Variants in ASNS observed in about 807,000 individuals in gnomAD.
ASNS encodes asparagine synthetase [glutamine-hydrolyzing].
ASNS carries 37 observed loss-of-function variants against 62.6 expected under a neutral mutation model. The ratio of observed to expected loss-of-function variants is 0.59; its 90% CI spans 0.45 to 0.78. The LOEUF is 0.78. Among genes scored for constraint, ASNS ranks in the 30% least tolerant of loss-of-function variants. ASNS has a pLI of 0.00. For synonymous variants in ASNS, 207 were observed against 237.9 expected, an observed-to-expected ratio of 0.87 and a Z score of 1.19; for missense variants, 520 against 682.4, an observed-to-expected ratio of 0.76 and a Z score of 2.65.
chr7:97,861,509 C>T (rs1291431174), intron 4 of ASNS, among the ~76,000 whole-genome samples: 1 of 152,154 alleles, frequency 6.6e-6, no homozygotes, highest in African/African-American at 2.4e-5. Flanking sequence ...TCAATTCTAT[C>T]CCACTAGTCT....
At chr7:97,919,429 C>T in the ASNS span, among the ~76,000 whole-genome samples, 1 of 152,204 alleles carries the variant, frequency 6.6e-6, no homozygotes, top group Non-Finnish European at 1.5e-5. Context: ...TTCTCAGACC[C>T]TCTCATCTGG....
chr7:97,856,918 T>G (rs1411149589), intron 7 of ASNS, 102 bp from the exon 8 acceptor site: 4 of 1,247,452 alleles, frequency 3.2e-6, no homozygotes, highest in Non-Finnish European at 4.5e-6. Flanking sequence ...TTAACAATGG[T>G]GAAAACTAAA....
chr7:97,884,102 A>G, the ASNS span, among the ~76,000 whole-genome samples: 2,055 of 152,136 alleles, frequency 0.014, 22 homozygotes, highest in Middle Eastern at 0.034. Context: ...GACACAGAGT[A>G]GTTAGGTGGA....
At chr7:97,910,089 T>A in the ASNS span, among the ~76,000 whole-genome samples, 2 of 151,926 alleles carry the variant, frequency 1.3e-5, no homozygotes, top group Non-Finnish European at 2.9e-5. Context: ...CAACTTGAAG[T>A]TTCAGCAGAA....
chr7:97,889,927 C>CAAAAAAAAAAAAAAAAAAAAAAAAACA, the ASNS span, among the ~76,000 whole-genome samples: 1 of 38,558 alleles, frequency 2.6e-5, no homozygotes, highest in Non-Finnish European at 4.3e-5. Flanking sequence ...ATAATGAATA[C>CAAAAAAAAAAAAAAAAAAAAAAAAACA]AAAAAAAAAA....
chr7:97,880,765 A>C, the ASNS span, among the ~76,000 whole-genome samples: 7 of 152,350 alleles, frequency 4.6e-5, no homozygotes, highest in African/African-American at 1.7e-4. Context: ...AAACATGAAC[A>C]AGTTCATTCC....
chr7:97,927,423 C>T, the ASNS span, among the ~76,000 whole-genome samples: 14 of 152,382 alleles, frequency 9.2e-5, no homozygotes, highest in Non-Finnish European at 2.1e-4. Context: ...CCATTTGCCA[C>T]TGAAGACAGT....
the ASNS span, among the ~76,000 whole-genome samples, chr7:97,922,785 TTTTA>T: frequency 4.4e-4 from 67 of 152,140 alleles, 1 homozygote; most frequent in South Asian, 1.9e-3. Context: ...CAGAATTCTA[TTTTA>T]TTTATTTATT....
chr7:97,883,759 G>A, the ASNS span, among the ~76,000 whole-genome samples: 4 of 151,960 alleles, frequency 2.6e-5, no homozygotes, highest in Non-Finnish European at 5.9e-5. Flanking sequence ...AGGCCGAGGC[G>A]GTCGGATCAT....
intron 4 of ASNS, 141 bp from the exon 5 acceptor site, chr7:97,859,539 A>C (rs1295629670): frequency 4.4e-6 from 4 of 906,222 alleles, no homozygotes; most frequent in Non-Finnish European, 6.1e-6. Context: ...TAGGAAAAAA[A>C]ATTTTCTATT....
chr7:97,924,566 A>G, the ASNS span, among the ~76,000 whole-genome samples: 19 of 152,356 alleles, frequency 1.2e-4, no homozygotes, highest in South Asian at 2.1e-4. Flanking sequence ...CCAGCTCTGC[A>G]GGTCCCCAGC....
At position 97,869,126 on chromosome 7, in the gene ASNS, C is replaced by T; in HGVS notation, c.31G>A (p.Asp11Asn). The change falls in exon 3 of 13, where the codon GAT (aspartate) becomes AAT (asparagine). Residue 11 changes from aspartate to asparagine, a missense_variant. By Grantham distance (23) the Asp-to-Asn change is conservative. Coordinates refer to ENST00000394308, the MANE Select transcript of ASNS (RefSeq NM_001673.5). MCGIWALFGS[D>N]DCLSVQCLSA... ...AGACACTGAACAGAAAGGCAATCATCACTGCCAAACAGCGCCCAAATGCCA... is the reference window on the plus strand; with the variant it reads ...AGACACTGAACAGAAAGGCAATCATTACTGCCAAACAGCGCCCAAATGCCA... 1.2e-6 allele frequency: 2 copies of T among 1,614,204 alleles called. No individual in the cohort carries two copies. The highest frequency in any genetic ancestry group is 1.7e-6 in the Non-Finnish European group (2 of 1,180,040).
At chr7:97,908,709 T>A in the ASNS span, 2 of 152,222 alleles carry the variant, frequency 1.3e-5, no homozygotes, top group African/African-American at 4.8e-5. Context: ...GCCTTTTCTG[T>A]ATTAAATTTT....
the ASNS span, among the ~76,000 whole-genome samples, chr7:97,887,781 A>C: frequency 6.6e-6 from 1 of 152,372 alleles, no homozygotes; most frequent in Non-Finnish European, 1.5e-5. Flanking sequence ...GCATTTTGTG[A>C]CAACAACTAA....
chr7:97,885,624 C>T, the ASNS span, among the ~76,000 whole-genome samples: 2 of 152,220 alleles, frequency 1.3e-5, no homozygotes, highest in Non-Finnish European at 2.9e-5. Context: ...AGGGTCCACA[C>T]TAAATGTGAT....
At chr7:97,868,829 T>TA in intron 3 of ASNS, 79 bp downstream of exon 3, 1 of 1,571,476 alleles carries the variant, frequency 6.4e-7, no homozygotes, top group South Asian at 1.2e-5. Context: ...AAAAGCATGA[T>TA]ACAGAATATG....
chr7:97,856,651 A>G lies in ASNS; in HGVS notation c.1030+39T>C, dbSNP rs757428830. ...TAAACCTTACATTTTTTTCAGTATTAAAAAAAGCTTTTTATTTAAGAATAT... is the reference window on the plus strand; with the variant it reads ...TAAACCTTACATTTTTTTCAGTATTGAAAAAAGCTTTTTATTTAAGAATAT... On this transcript the variant is annotated intron_variant, in intron 8 of 12. Transcript: ENST00000394308. The G allele has an allele frequency of 4.0e-6, 6 of 1,493,322 alleles. No individual in the cohort carries two copies. In the Admixed American group the frequency reaches 6.7e-5, roughly 17 times the overall value. 92.5% of individuals were successfully genotyped at this position (1,493,322 alleles called of 1,614,324 possible). A position where few individuals can be genotyped will look rare whatever the true frequency, so the allele number is the denominator to read the frequency against.
chr7:97,893,103 G>A, the ASNS span, among the ~76,000 whole-genome samples: 1 of 152,254 alleles, frequency 6.6e-6, no homozygotes, highest in Admixed American at 6.5e-5. Context: ...AAGTCAAGGA[G>A]AGGCAAGTCA....
At chr7:97,854,910 A>G in intron 9 of ASNS, 2 of 615,914 alleles carry the variant, frequency 3.2e-6, no homozygotes, top group South Asian at 4.6e-5. Flanking sequence ...ATAATTCCAC[A>G]GGATGCTAAG....
Sources: gnomAD v4.1 joint callset for allele counts (sites outside exome capture counted in the v4.1 genomes callset) on GRCh38, gnomAD v4.1.1 for gene constraint, MANE v1.5 for transcripts, NCBI Gene and HGNC (gene_info 2026-07-23, HGNC 2026-07-21) for gene names.